The following EMC3 variants were observed in gnomAD, a reference collection of about 807,000 sequenced individuals.
EMC3 encodes 30 kDa protein.
Under a neutral mutation model 36.6 loss-of-function variants are expected in EMC3, and 13 were observed. The ratio of observed to expected loss-of-function variants is 0.35; its 90% CI spans 0.23 to 0.56. EMC3 has a LOEUF of 0.56. Among genes scored for constraint, EMC3 ranks in the 20% least tolerant of loss-of-function variants. EMC3 has a pLI of 0.84. For missense variants in EMC3, 220 were observed against 324.5 expected, an observed-to-expected ratio of 0.68 and a Z score of 2.47; for synonymous variants, 120 against 111.9, an observed-to-expected ratio of 1.07 and a Z score of -0.46.
At position 9,986,602 on chromosome 3, in the gene EMC3, G is replaced by T. The variant is rs757866971; in HGVS notation, c.60C>A (p.Ile20=). 1.2e-5 allele frequency: 19 copies of T among 1,614,104 alleles called. No individual in the cohort carries two copies. In the Admixed American group the frequency reaches 2.3e-4, roughly 20 times the overall value. The change falls in exon 1 of 8, where the codon ATC becomes ATA. Residue 20 remains isoleucine (I), a synonymous_variant. Coordinates refer to ENST00000245046, the MANE Select transcript of EMC3 (RefSeq NM_001394674.1). ...SNIRLWVVLP[I]VIITFFVGMI... ...TGCCTACGAAGAAAGTGATGATAAC[G>T]ATGGGTAGGACCACCCAGAGGCGGA...
At chr3:9,981,234 T>C (rs544799597) in intron 1 of EMC3, among the ~76,000 whole-genome samples, 1 of 152,198 alleles carries the variant, frequency 6.6e-6, no homozygotes, top group Non-Finnish European at 1.5e-5. Flanking sequence ...CAAGACCCTG[T>C]CCCCAGAAAA....
upstream of EMC3, among the ~76,000 whole-genome samples, chr3:9,988,981 G>A (rs2086012457): frequency 6.6e-6 from 1 of 151,738 alleles, no homozygotes; most frequent in Admixed American, 6.6e-5. Context: ...TCCACAAGGG[G>A]AAATACTAAC....
chr3:9,964,937 G>A (rs1215598549), intron 7 of EMC3, among the ~76,000 whole-genome samples: 4 of 152,042 alleles, frequency 2.6e-5, no homozygotes, highest in Middle Eastern at 3.2e-3. Flanking sequence ...ATTAGTGAGT[G>A]TCTAAAAAAT....
At chr3:9,998,955 G>C (rs1035941348) in intron 1 of EMC3, among the ~76,000 whole-genome samples, 4 of 152,176 alleles carry the variant, frequency 2.6e-5, no homozygotes, top group Middle Eastern at 3.4e-3. Flanking sequence ...ATAAGGTTTC[G>C]TCATGTTACC....
chr3:9,994,792 G>C (rs1453427199), intron 1 of EMC3, among the ~76,000 whole-genome samples: 1 of 151,928 alleles, frequency 6.6e-6, no homozygotes, highest in Non-Finnish European at 1.5e-5. Flanking sequence ...TCCTGGTCTC[G>C]AACTCCTGAG....
intron 1 of EMC3, chr3:10,003,571 C>T (rs932717937): frequency 1.5e-5 from 4 of 264,562 alleles, no homozygotes; most frequent in East Asian, 8.7e-5. Flanking sequence ...GGCCGTGGCA[C>T]GTTCAGTGAG....
chr3:9,994,934 A>G (rs1217023093), intron 1 of EMC3, among the ~76,000 whole-genome samples: 1 of 151,436 alleles, frequency 6.6e-6, no homozygotes, highest in Non-Finnish European at 1.5e-5. Context: ...AATGTTTATG[A>G]AAGCAAGTAA....
intron 2 of EMC3, 49 bp downstream of exon 2, chr3:9,977,340 C>T: frequency 2.6e-6 from 4 of 1,538,698 alleles, no homozygotes; most frequent in Non-Finnish European, 3.6e-6. Flanking sequence ...CAGATATCTA[C>T]TGCCCAACAG....
At chr3:9,998,520 C>G (rs2124933998) in intron 1 of EMC3, among the ~76,000 whole-genome samples, 1 of 151,700 alleles carries the variant, frequency 6.6e-6, no homozygotes, top group African/African-American at 2.4e-5. Context: ...GCCTGAAACT[C>G]CTGGGCTCAA....
chr3:9,990,265 C>T (rs1234500395), upstream of EMC3, among the ~76,000 whole-genome samples: 1 of 150,872 alleles, frequency 6.6e-6, no homozygotes, highest in Non-Finnish European at 1.5e-5. Flanking sequence ...ACCTTATGAT[C>T]CACCTCAGCC....
intron 1 of EMC3, 97 bp downstream of exon 1, chr3:9,986,410 G>A: frequency 3.5e-6 from 5 of 1,427,578 alleles, no homozygotes; most frequent in Non-Finnish European, 4.8e-6. Flanking sequence ...TGTCAGAGGG[G>A]GCGCGACGTG....
chr3:9,980,239 CCT>C (rs745749423), intron 1 of EMC3, among the ~76,000 whole-genome samples: 2 of 152,028 alleles, frequency 1.3e-5, no homozygotes, highest in Non-Finnish European at 2.9e-5. Flanking sequence ...GTCTCGAATT[CCT>C]GACATCAGAT....
intron 1 of EMC3, among the ~76,000 whole-genome samples, chr3:9,982,779 C>T (rs1287476511): frequency 6.6e-6 from 1 of 151,596 alleles, no homozygotes; most frequent in Non-Finnish European, 1.5e-5. Flanking sequence ...CCCAGCTACT[C>T]GAGAGGCTGA....
chr3:9,974,024 G>A (rs2085817813), intron 4 of EMC3, among the ~76,000 whole-genome samples: 1 of 152,170 alleles, frequency 6.6e-6, no homozygotes, highest in African/African-American at 2.4e-5. Flanking sequence ...ATGTTAATAA[G>A]AAACCAAATT....
In EMC3 at chr3:9,974,469, G is replaced by A. The variant is rs2085822756; in HGVS notation, c.327C>T (p.Asp109=). ...SPMTDPTMLT[D]MMKGNVTNVL... Reference sequence around the variant, plus strand: ...CATTTGTTACATTCCCTTTCATCATGTCTGTCAACATAGTAGGATCTAAGA... The same window carrying A: ...CATTTGTTACATTCCCTTTCATCATATCTGTCAACATAGTAGGATCTAAGA... The change falls in exon 4 of 8, where the codon GAC becomes GAT. Residue 109 remains aspartate (D), a synonymous_variant. Transcript: ENST00000245046. 1 of 1,611,380 alleles carries A rather than the reference G, an allele frequency of 6.2e-7. No individual in the cohort carries two copies. Among genetic ancestry groups the A allele is most frequent in the Admixed American group, 1.7e-5 (1 of 60,002 alleles).
chr3:9,969,838 T>C, intron 6 of EMC3, 37 bp from the exon 7 acceptor site: 4 of 1,608,464 alleles, frequency 2.5e-6, no homozygotes, highest in Non-Finnish European at 3.4e-6. Flanking sequence ...GTGCCAGGAC[T>C]CAGCAAGCAC....
At chr3:9,969,434 T>G in intron 7 of EMC3, 1 of 1,307,906 alleles carries the variant, frequency 7.6e-7, no homozygotes, top group South Asian at 1.6e-5. Flanking sequence ...CAAATTATTC[T>G]AAATGTTTAC....
intron 1 of EMC3, among the ~76,000 whole-genome samples, chr3:10,005,933 C>G (rs1051737730): frequency 2.6e-5 from 4 of 152,228 alleles, no homozygotes; most frequent in African/African-American, 9.6e-5. Flanking sequence ...CACCTTCCCT[C>G]TCTCACTGAT....
chr3:10,009,573 G>C (rs557013426), intron 1 of EMC3, among the ~76,000 whole-genome samples: 1 of 152,220 alleles, frequency 6.6e-6, no homozygotes, highest in East Asian at 1.9e-4. Flanking sequence ...GGGTGGAGGG[G>C]CAAGGGCCCT....
Sources: allele counts gnomAD v4.1 joint callset (sites outside exome capture counted in the v4.1 genomes callset), GRCh38; gene constraint gnomAD v4.1.1; transcripts MANE v1.5; gene names NCBI Gene and HGNC (gene_info 2026-07-23, HGNC 2026-07-21).